The following TRUB1 variants were observed in gnomAD, a reference collection of about 807,000 sequenced individuals.
TRUB1 encodes TruB pseudouridine synthase family member 1.
TRUB1 carries 23 observed loss-of-function variants against 33.9 expected under a neutral mutation model. The ratio of observed to expected loss-of-function variants is 0.68; its 90% CI spans 0.49 to 0.96. The LOEUF (loss-of-function observed/expected upper bound fraction) is 0.96. Ranked by LOEUF, TRUB1 falls within the 40% of genes least tolerant of loss-of-function variation. The pLI is 0.00. For missense variants in TRUB1, 378 were observed against 422.2 expected (o/e 0.90, Z 0.92); for synonymous variants, 163 against 165.4 (o/e 0.99, Z 0.11).
intron 2 of TRUB1, among the ~76,000 whole-genome samples, chr10:114,944,486 C>T (rs941326728): frequency 6.6e-6 from 1 of 152,068 alleles, no homozygotes; most frequent in African/African-American, 2.4e-5. Context: ...TGGTGAGACC[C>T]TGTCTCTACT....
At chr10:114,957,073 C>T (rs773246145) in intron 3 of TRUB1, among the ~76,000 whole-genome samples, 1 of 152,178 alleles carries the variant, frequency 6.6e-6, no homozygotes, top group Non-Finnish European at 1.5e-5. Context: ...GAATTGCACA[C>T]ATAGGCACTT....
intron 4 of TRUB1, among the ~76,000 whole-genome samples, chr10:114,962,304 G>A (rs769384606): frequency 1.3e-5 from 2 of 152,080 alleles, no homozygotes; most frequent in African/African-American, 4.8e-5. Context: ...CAAACATACA[G>A]CATAATTGTA....
intron 3 of TRUB1, among the ~76,000 whole-genome samples, chr10:114,952,493 G>A (rs1223121778): frequency 6.6e-6 from 1 of 151,960 alleles, no homozygotes; most frequent in Non-Finnish European, 1.5e-5. Context: ...AGGTAGATAG[G>A]TAGGTAGGTA....
rs540687774 is a variant in TRUB1, at chr10:114,944,613, C to T, written c.385+1870C>T. Among the ~76,000 whole-genome samples the T allele has an allele frequency of 1.6e-4, 24 of 151,798 alleles. No individual in the cohort carries two copies. The South Asian group carries it at 2.5e-3, about 16-fold the overall frequency. ...GACAGAGGTTGCAGTGATCTGAGAT[C>T]GCGCCACTGCACTCCAGCCTGGGTG... On this transcript the variant is annotated intron_variant, in intron 2 of 7. Transcript: ENST00000298746.
At chr10:114,963,848 A>G (rs761547815) in intron 4 of TRUB1, among the ~76,000 whole-genome samples, 13 of 152,148 alleles carry the variant, frequency 8.5e-5, no homozygotes, top group Admixed American at 6.5e-4. Context: ...TACTACACAC[A>G]TACTCTCCCA....
At chr10:114,973,471 A>T (rs2084345936) in intron 6 of TRUB1, among the ~76,000 whole-genome samples, 1 of 152,184 alleles carries the variant, frequency 6.6e-6, no homozygotes, top group Admixed American at 6.6e-5. Flanking sequence ...CCCAACCATG[A>T]GCTGACTAAA....
In TRUB1 at chr10:114,976,302, C is replaced by T. The variant is rs530839902; in HGVS notation, c.*923C>T. On this transcript the variant is annotated 3_prime_UTR_variant, in exon 8 of 8. Transcript: ENST00000298746. ...ACTTACAGATGTTGAGATGGCTGCC[C>T]TGCATTTCCAGCTAATCTCTTCTGC... 6 of 152,210 alleles carry T rather than the reference C, an allele frequency of 3.9e-5. No individual in the cohort carries two copies. The highest frequency in any genetic ancestry group is 3.3e-4 in the Admixed American group (5 of 15,274). 9.4% of individuals were successfully genotyped at this position (152,210 alleles called of 1,614,324 possible).
At chr10:114,970,000 C>T (rs970944830) in intron 4 of TRUB1, among the ~76,000 whole-genome samples, 8 of 152,154 alleles carry the variant, frequency 5.3e-5, no homozygotes, top group Non-Finnish European at 1.2e-4. Flanking sequence ...TGCTTGTATT[C>T]TGATCACTTC....
chr10:114,954,596 C>G (rs1349381388), intron 3 of TRUB1, among the ~76,000 whole-genome samples: 3 of 152,108 alleles, frequency 2.0e-5, no homozygotes, highest in Non-Finnish European at 4.4e-5. Flanking sequence ...TTGTCTTCCT[C>G]TCCTGCCTTG....
rs775787385 is a variant in TRUB1 at position 114,959,534 on chromosome 10, G to A, written c.442-192G>A. 1.3e-4 allele frequency among the ~76,000 whole-genome samples: 20 copies of A among 152,258 alleles called. 1 individual carries two copies. The Middle Eastern group carries it at 0.01, about 78-fold the overall frequency. Reference sequence around the variant, plus strand: ...TTTCTCATATTGGCTAGTGTGAGACGTTTGTTAATGTTCTTCAGTTTACAC... The same window carrying A: ...TTTCTCATATTGGCTAGTGTGAGACATTTGTTAATGTTCTTCAGTTTACAC... On this transcript the variant is annotated intron_variant, in intron 3 of 7. Coordinates refer to ENST00000298746, the MANE Select transcript of TRUB1 (RefSeq NM_139169.5).
At chr10:114,960,792 A>G (rs1033084855) in intron 4 of TRUB1, among the ~76,000 whole-genome samples, 1 of 152,128 alleles carries the variant, frequency 6.6e-6, no homozygotes, top group Non-Finnish European at 1.5e-5. Flanking sequence ...AGCCAGCTAT[A>G]ACCTTCAACC....
At chr10:114,959,248 A>G (rs73372656) in intron 3 of TRUB1, among the ~76,000 whole-genome samples, 2,248 of 152,310 alleles carry the variant, frequency 0.015, 67 homozygotes, top group African/African-American at 0.052. Flanking sequence ...TGACCTAGTT[A>G]CTAAGAATTG....
intron 4 of TRUB1, among the ~76,000 whole-genome samples, chr10:114,965,922 C>T (rs1435280225): frequency 6.6e-6 from 1 of 151,832 alleles, no homozygotes; most frequent in African/African-American, 2.4e-5. Context: ...GCTAAATTAC[C>T]CAAGAGCAAG....
intron 3 of TRUB1, among the ~76,000 whole-genome samples, 153 bp downstream of exon 3, chr10:114,951,302 A>C (rs955392167): frequency 6.6e-6 from 1 of 152,224 alleles, no homozygotes; most frequent in Non-Finnish European, 1.5e-5. Flanking sequence ...CTGAGATTGA[A>C]AATATCGAGA....
chr10:114,942,230 A>T (rs1186759080), intron 1 of TRUB1, among the ~76,000 whole-genome samples: 1 of 152,242 alleles, frequency 6.6e-6, no homozygotes, highest in Non-Finnish European at 1.5e-5. Context: ...AGCAAAGACC[A>T]TGGAAGAGAT....
intron 3 of TRUB1, among the ~76,000 whole-genome samples, chr10:114,958,358 A>G (rs2084270324): frequency 6.6e-6 from 1 of 152,206 alleles, no homozygotes; most frequent in African/African-American, 2.4e-5. Flanking sequence ...GCGTTGGAAT[A>G]TTCCCTTCTG....
chr10:114,945,493 G>A (rs192618213), intron 2 of TRUB1, among the ~76,000 whole-genome samples: 39 of 152,208 alleles, frequency 2.6e-4, no homozygotes, highest in African/African-American at 7.9e-4. Context: ...TTCGGGTGGC[G>A]GTTCTTCATT....
intron 5 of TRUB1, among the ~76,000 whole-genome samples, chr10:114,970,670 G>C (rs2084332610): frequency 6.6e-6 from 1 of 152,164 alleles, no homozygotes; most frequent in Non-Finnish European, 1.5e-5. Flanking sequence ...CCTGGCATCT[G>C]TGCTATTACA....
intron 2 of TRUB1, 128 bp downstream of exon 2, chr10:114,942,871 G>C (rs1719305570): frequency 1.6e-6 from 1 of 639,672 alleles, no homozygotes; most frequent in African/African-American, 1.8e-5. Flanking sequence ...CAGATCTACT[G>C]GATATATATA....
Sources: gnomAD v4.1 joint callset for allele counts (sites outside exome capture counted in the v4.1 genomes callset) on GRCh38, gnomAD v4.1.1 for gene constraint, MANE v1.5 for transcripts, NCBI Gene and HGNC (gene_info 2026-07-23, HGNC 2026-07-21) for gene names.